Variants in RBFOX1 observed in about 807,000 individuals in gnomAD.
RBFOX1 encodes RNA binding fox-1 homolog 1, also known as RNA binding protein fox-1 homolog 1.
A neutral mutation model predicts 57.7 loss-of-function variants in RBFOX1; 8 were observed. That is an observed-to-expected ratio of 0.14 (90% CI 0.08 to 0.25). The LOEUF is 0.25. Among genes scored for constraint, RBFOX1 ranks in the 10% least tolerant of loss-of-function variants. The probability of loss-of-function intolerance (pLI) is 1.00; values close to 1 mark genes in which losing one functional copy is unlikely to be tolerated. For missense variants in RBFOX1, 611 were observed against 548.5 expected (o/e 1.11, Z -1.14); for synonymous variants, 326 against 222.4 (o/e 1.47, Z -4.15).
chr16:5,455,670 A>T (rs73526886), intron 1 of RBFOX1, among the ~76,000 whole-genome samples: 13,374 of 152,108 alleles, frequency 0.088, 699 homozygotes, highest in Middle Eastern at 0.16. Context: ...CTCTCCATGC[A>T]TATGATTTTC....
chr16:6,587,673 G>C (rs1039338279), intron 2 of RBFOX1, among the ~76,000 whole-genome samples: 3 of 152,044 alleles, frequency 2.0e-5, no homozygotes, highest in African/African-American at 4.8e-5. Context: ...CTAGGGTAGA[G>C]GTTTTTAGTG....
intron 2 of RBFOX1, among the ~76,000 whole-genome samples, chr16:6,541,984 T>C (rs1207440679): frequency 6.6e-6 from 1 of 151,984 alleles, no homozygotes; most frequent in African/African-American, 2.4e-5. Context: ...TCTCACTCTG[T>C]CACCCTTGCT....
chr16:5,870,856 A>C (rs186527983), intron 4 of RBFOX1, among the ~76,000 whole-genome samples: 264 of 152,088 alleles, frequency 1.7e-3, no homozygotes, highest in Non-Finnish European at 2.7e-3. Flanking sequence ...TCCTTCTCAA[A>C]TGACTTTCTT....
At chr16:7,017,893 G>A (rs1454673926) in intron 3 of RBFOX1, among the ~76,000 whole-genome samples, 2 of 152,130 alleles carry the variant, frequency 1.3e-5, no homozygotes, top group Non-Finnish European at 2.9e-5. Flanking sequence ...AGCAACAACA[G>A]AGAGATGAAA....
intron 1 of RBFOX1, among the ~76,000 whole-genome samples, chr16:5,334,176 G>A (rs1206582933): frequency 6.6e-6 from 1 of 152,170 alleles, no homozygotes; most frequent in African/African-American, 2.4e-5. Flanking sequence ...AATGTGTCTG[G>A]TCAGAGGGGA....
chr16:6,948,950 G>A (rs979204226), intron 3 of RBFOX1, among the ~76,000 whole-genome samples: 1 of 152,206 alleles, frequency 6.6e-6, no homozygotes, highest in Admixed American at 6.5e-5. Flanking sequence ...TTGTGTGGAC[G>A]AGTTGGGTTG....
At chr16:6,229,252 A>G (rs1381509843) in intron 1 of RBFOX1, among the ~76,000 whole-genome samples, 1 of 152,200 alleles carries the variant, frequency 6.6e-6, no homozygotes, top group African/African-American at 2.4e-5. Flanking sequence ...GCAAAACTCA[A>G]AAGCAAACCT....
rs529386675 is a variant in RBFOX1, at chr16:6,875,664, T to G, written c.-15-176393T>G. Among the ~76,000 whole-genome samples the G allele has an allele frequency of 1.1e-4, 17 of 152,328 alleles. No homozygotes were observed. The South Asian group carries it at 1.7e-3, about 15-fold the overall frequency. ...AAAATAATTTTAACCTAGGAGAAGT[T>G]ATATTTTCTTTATACCATAAGCTCC... On this transcript the variant is annotated intron_variant, in intron 3 of 15. Transcript: ENST00000550418.
At chr16:6,651,516 A>T (rs1252139581) in intron 2 of RBFOX1, among the ~76,000 whole-genome samples, 1 of 152,122 alleles carries the variant, frequency 6.6e-6, no homozygotes, top group Non-Finnish European at 1.5e-5. Flanking sequence ...TAGAAGTCAG[A>T]TCATGCCTGT....
chr16:7,617,768 A>G (rs2058692151), intron 10 of RBFOX1, among the ~76,000 whole-genome samples: 1 of 152,198 alleles, frequency 6.6e-6, no homozygotes, highest in South Asian at 2.1e-4. Context: ...AGGGTAGTAG[A>G]AGGATGCAAA....
chr16:5,943,771 C>A (rs1288190500), intron 4 of RBFOX1, among the ~76,000 whole-genome samples: 1 of 152,126 alleles, frequency 6.6e-6, no homozygotes, highest in Non-Finnish European at 1.5e-5. Context: ...CAAAAGATTA[C>A]CATTCACATT....
rs73522138 is a variant in RBFOX1, at chr16:6,019,279, G to A, written c.-840G>A. The A allele has an allele frequency of 6.6e-3, 6,459 of 984,772 alleles. 351 individuals carry two copies. The African/African-American group carries it at 0.11, about 16-fold the overall frequency. 61.0% of individuals were successfully genotyped at this position (984,772 alleles called of 1,614,324 possible). ...ACCCCAGCCCCCTTCCTGGTCTCCCGAGCGCGGGGTTTGAAGGTCACCTCC... is the reference window on the plus strand; with the variant it reads ...ACCCCAGCCCCCTTCCTGGTCTCCCAAGCGCGGGGTTTGAAGGTCACCTCC... On this transcript the variant is annotated 5_prime_UTR_variant, in exon 1 of 16. Coordinates refer to ENST00000550418, the MANE Select transcript of RBFOX1 (RefSeq NM_018723.4). The surrounding 1 kb of genome is among the most constrained non-coding windows in gnomAD (Gnocchi z 4.2).
intron 4 of RBFOX1, among the ~76,000 whole-genome samples, chr16:7,062,810 A>G (rs1180552999): frequency 7.1e-6 from 1 of 140,414 alleles, no homozygotes; most frequent in Non-Finnish European, 1.5e-5. Context: ...CCTCAGATTC[A>G]CCCTGATTCC....
At chr16:5,587,969 A>T (rs2151174446) in intron 2 of RBFOX1, among the ~76,000 whole-genome samples, 1 of 152,312 alleles carries the variant, frequency 6.6e-6, no homozygotes, top group Non-Finnish European at 1.5e-5. Flanking sequence ...AATGTCCATC[A>T]GCAGATTCGT....
intron 4 of RBFOX1, among the ~76,000 whole-genome samples, chr16:7,384,014 G>A (rs766588886): frequency 3.5e-4 from 53 of 149,374 alleles, no homozygotes; most frequent in Non-Finnish European, 5.8e-4. Flanking sequence ...AGATCGTGCC[G>A]TTGCACCCCA....
chr16:6,574,786 C>G (rs1346011920), intron 2 of RBFOX1, among the ~76,000 whole-genome samples: 4 of 148,704 alleles, frequency 2.7e-5, no homozygotes, highest in African/African-American at 7.4e-5. Context: ...CGCCTGTAAT[C>G]CCAGCACTTA....
In RBFOX1 at chr16:7,292,246, T is replaced by TATATC. The variant is rs747339632; in HGVS notation, c.28-225897_28-225896insCATAT. Among the ~76,000 whole-genome samples, 417 of 95,850 alleles carry TATATC rather than the reference T, an allele frequency of 4.4e-3. 1 individual carries two copies. The highest frequency in any genetic ancestry group is 0.011 in the African/African-American group (230 of 20,508). The allele number at this position is 95,850 out of a possible 152,430, so 62.9% of individuals were successfully genotyped here. A position where few individuals can be genotyped will look rare whatever the true frequency, so the allele number is the denominator to read the frequency against. The stretch of plus-strand genomic sequence containing the variant: ...ATGATATAGAACGTATTATATATCA[T>TATATC]ATATATGATATATGATATAGAACGT... On this transcript the variant is annotated intron_variant, in intron 4 of 15. Coordinates refer to ENST00000550418, the MANE Select transcript of RBFOX1 (RefSeq NM_018723.4).
intron 1 of RBFOX1, among the ~76,000 whole-genome samples, chr16:6,281,849 C>A (rs1342435408): frequency 6.6e-6 from 1 of 152,082 alleles, no homozygotes; most frequent in African/African-American, 2.4e-5. Context: ...AATCCCGCTG[C>A]CACTCTGACT....
At chr16:6,248,585 G>T (rs957587316) in intron 1 of RBFOX1, among the ~76,000 whole-genome samples, 1 of 152,086 alleles carries the variant, frequency 6.6e-6, no homozygotes, top group Non-Finnish European at 1.5e-5. Context: ...AAATTGGGGA[G>T]GGTTTTACCA....
Sources: gnomAD v4.1 joint callset for allele counts (sites outside exome capture counted in the v4.1 genomes callset) on GRCh38, gnomAD v4.1.1 for gene constraint, Gnocchi (gnomAD v3.1) non-coding constraint, MANE v1.5 for transcripts, NCBI Gene and HGNC (gene_info 2026-07-23, HGNC 2026-07-21) for gene names.